CACNG3: variants seen among roughly 807,000 people sequenced by gnomAD.
CACNG3 encodes the protein calcium voltage-gated channel auxiliary subunit gamma 3.
In CACNG3, 3 loss-of-function variants were observed where a neutral mutation model predicts 28.5. The observed-to-expected ratio is 0.11, with a 90% CI of 0.05 to 0.27. The LOEUF is 0.27. CACNG3 is among the 10% of genes least tolerant of loss of function. The pLI is 1.00. For synonymous variants in CACNG3, 174 were observed against 162.2 expected (o/e 1.07, Z -0.55); for missense variants, 236 against 414.4 (o/e 0.57, Z 3.74).
intron 1 of CACNG3, among the ~76,000 whole-genome samples, chr16:24,274,500 A>G (rs1039499972): frequency 6.6e-6 from 1 of 152,202 alleles, no homozygotes; most frequent in Non-Finnish European, 1.5e-5. Flanking sequence ...CACCAACAGC[A>G]GGGAATCACT....
intron 1 of CACNG3, among the ~76,000 whole-genome samples, chr16:24,312,745 G>C (rs1241349201): frequency 6.6e-6 from 1 of 151,796 alleles, no homozygotes; most frequent in Non-Finnish European, 1.5e-5. Flanking sequence ...TTGAGCCCTG[G>C]AGTTCAAGGC....
intron 1 of CACNG3, among the ~76,000 whole-genome samples, chr16:24,275,306 C>T (rs1596623649): frequency 6.6e-6 from 1 of 152,146 alleles, no homozygotes; most frequent in Non-Finnish European, 1.5e-5. Context: ...AAGGCTGTGG[C>T]TCAGTACTCA....
chr16:24,296,130 C>G (rs529149080), intron 1 of CACNG3, among the ~76,000 whole-genome samples: 7 of 152,240 alleles, frequency 4.6e-5, no homozygotes, highest in African/African-American at 1.7e-4. Context: ...AGGTCAGAAG[C>G]CCCCCAGTGT....
At chr16:24,352,284 G>A (rs1003944939) in intron 2 of CACNG3, among the ~76,000 whole-genome samples, 3 of 152,070 alleles carry the variant, frequency 2.0e-5, no homozygotes, top group Non-Finnish European at 4.4e-5. Flanking sequence ...TTGAACCCCT[G>A]AGCCAAAATA....
intron 1 of CACNG3, among the ~76,000 whole-genome samples, chr16:24,333,763 G>A (rs1340759086): frequency 1.3e-5 from 2 of 152,132 alleles, no homozygotes. Context: ...GATTTCTTGA[G>A]CCCAGTAGTT....
chr16:24,271,164 A>G (rs1898685339), intron 1 of CACNG3, among the ~76,000 whole-genome samples: 2 of 152,162 alleles, frequency 1.3e-5, no homozygotes, highest in South Asian at 4.1e-4. Flanking sequence ...TCTCAACTGC[A>G]CTATTTGCTG....
chr16:24,269,646 C>T (rs927306625), intron 1 of CACNG3, among the ~76,000 whole-genome samples: 1 of 148,018 alleles, frequency 6.8e-6, no homozygotes, highest in African/African-American at 2.5e-5. Context: ...ACTCGGGAGG[C>T]TGAGGTGGTA....
At chr16:24,335,066 G>A (rs966723077) in intron 1 of CACNG3, among the ~76,000 whole-genome samples, 1 of 152,202 alleles carries the variant, frequency 6.6e-6, no homozygotes, top group Non-Finnish European at 1.5e-5. Flanking sequence ...GATTTTGCAA[G>A]AGCTCAGGGT....
chr16:24,361,443 T>A lies in CACNG3; in HGVS notation c.528T>A (p.Gly176=). The A allele has an allele frequency of 6.2e-7, 1 of 1,614,194 alleles. No homozygotes were observed. Among genetic ancestry groups the A allele is most frequent in the Non-Finnish European group, 8.5e-7 (1 of 1,180,028 alleles). ...ACTCCAAAAAAAGTTACTCCTATGG[T>A]TGGTCCTTTTATTTCGGAGCCTTCT... ...QRDSKKSYSY[G]WSFYFGAFSF... Residue 176 remains glycine, a synonymous_variant, in exon 4 of 4, where the codon GGT becomes GGA. Coordinates refer to ENST00000005284, the MANE Select transcript of CACNG3 (RefSeq NM_006539.4). This position sits in a 1 kb window ranked among gnomAD's most constrained non-coding sequence, Gnocchi z 6.8.
chr16:24,288,296 G>A (rs952903119), intron 1 of CACNG3, among the ~76,000 whole-genome samples: 2 of 152,154 alleles, frequency 1.3e-5, no homozygotes, highest in Non-Finnish European at 2.9e-5. Context: ...AGCTTCACAT[G>A]CACTCTCTCA....
intron 1 of CACNG3, among the ~76,000 whole-genome samples, chr16:24,326,583 T>C (rs1349965971): frequency 6.6e-6 from 1 of 152,176 alleles, no homozygotes; most frequent in Non-Finnish European, 1.5e-5. Flanking sequence ...TGGTGAGACA[T>C]GTTGATTGGC....
Position 24,361,266 on chromosome 16 carries a change from C to T in CACNG3, c.437-86C>T, listed in dbSNP as rs1900098643. 5.3e-6 allele frequency: 6 copies of T among 1,126,176 alleles called. No homozygotes were observed. The South Asian group carries it at 6.2e-5, about 12-fold the overall frequency. The allele number at this position is 1,126,176 out of a possible 1,614,324, so 69.8% of individuals were successfully genotyped here. Reference sequence around the variant, plus strand: ...TTCTCCTCTCTCCCCATTACCTCCACATTTTCTATAAATATTTTAAGATGG... The same window carrying T: ...TTCTCCTCTCTCCCCATTACCTCCATATTTTCTATAAATATTTTAAGATGG... On this transcript the variant is annotated intron_variant, in intron 3 of 3. Coordinates refer to ENST00000005284, the MANE Select transcript of CACNG3 (RefSeq NM_006539.4). This position sits in a 1 kb window ranked among gnomAD's most constrained non-coding sequence, Gnocchi z 6.8.
intron 1 of CACNG3, among the ~76,000 whole-genome samples, chr16:24,313,428 G>A (rs991747052): frequency 3.3e-5 from 5 of 152,152 alleles, no homozygotes; most frequent in South Asian, 2.1e-4. Context: ...CCTACACTAA[G>A]TTGTCTCAAG....
chr16:24,295,976 C>G (rs1441667723), intron 1 of CACNG3, among the ~76,000 whole-genome samples: 1 of 152,162 alleles, frequency 6.6e-6, no homozygotes, highest in Non-Finnish European at 1.5e-5. Context: ...AGGCAATAGA[C>G]CAGGATTTGA....
chr16:24,317,170 G>A (rs1451530774), intron 1 of CACNG3, among the ~76,000 whole-genome samples: 1 of 152,042 alleles, frequency 6.6e-6, no homozygotes, highest in South Asian at 2.1e-4. Flanking sequence ...TCATATAATA[G>A]GTCATTCCGA....
intron 3 of CACNG3, among the ~76,000 whole-genome samples, chr16:24,357,156 C>T (rs1405288012): frequency 6.6e-6 from 1 of 150,400 alleles, no homozygotes; most frequent in African/African-American, 2.5e-5. Flanking sequence ...ATCGCTTGAA[C>T]CCAGGAGGCA....
chr16:24,314,885 G>A (rs1439638958), intron 1 of CACNG3, among the ~76,000 whole-genome samples: 1 of 152,096 alleles, frequency 6.6e-6, no homozygotes, highest in Non-Finnish European at 1.5e-5. Flanking sequence ...CGAGGGTTAT[G>A]ATGATCGAAA....
chr16:24,317,618 G>GA lies in CACNG3; in HGVS notation c.212-29113dup, dbSNP rs1555460555. Reference sequence around the variant, plus strand: ...AGAAAGAAAGAAAGAAAGAAAGAAAGAAAGAAAGACAGACAGAAAGAAAGA... The same window carrying GA: ...AGAAAGAAAGAAAGAAAGAAAGAAAGAAAAGAAAGACAGACAGAAAGAAAGA... On this transcript the variant is annotated intron_variant, in intron 1 of 3. Transcript: ENST00000005284. Among the ~76,000 whole-genome samples, 57 of 66,990 alleles carry GA rather than the reference G, an allele frequency of 8.5e-4. 2 individuals are homozygous for GA. Among genetic ancestry groups the GA allele is most frequent in the African/African-American group, 1.8e-3 (28 of 15,518 alleles). 43.9% of individuals were successfully genotyped at this position (66,990 alleles called of 152,430 possible).
At chr16:24,264,657 T>TA in intron 1 of CACNG3, among the ~76,000 whole-genome samples, 1 of 152,342 alleles carries the variant, frequency 6.6e-6, no homozygotes, top group African/African-American at 2.4e-5. Context: ...TCCTGCTCCC[T>TA]GCAGGAACAT....
Sources: gnomAD v4.1 joint callset for allele counts (sites outside exome capture counted in the v4.1 genomes callset) on GRCh38, gnomAD v4.1.1 for gene constraint, Gnocchi (gnomAD v3.1) non-coding constraint, MANE v1.5 for transcripts, NCBI Gene and HGNC (gene_info 2026-07-23, HGNC 2026-07-21) for gene names.